Variants in MBLAC2 observed in about 807,000 individuals in gnomAD.
MBLAC2 encodes the protein metallo-beta-lactamase domain containing 2.
A neutral mutation model predicts 23.3 loss-of-function variants in MBLAC2; 24 were observed. The ratio of observed to expected loss-of-function variants is 1.03; its 90% CI spans 0.75 to 1.45. MBLAC2 has a LOEUF of 1.45. Among genes scored for constraint, MBLAC2 ranks in the 40% most tolerant of loss-of-function variants. The pLI is 0.00. For synonymous variants in MBLAC2, 162 were observed against 150.9 expected, an observed-to-expected ratio of 1.07 and a Z score of -0.54; for missense variants, 358 against 370.0, an observed-to-expected ratio of 0.97 and a Z score of 0.27.
intron 1 of MBLAC2, 170 bp downstream of exon 1, chr5:90,473,669 G>C: frequency 1.4e-6 from 1 of 730,368 alleles, no homozygotes; most frequent in South Asian, 1.5e-5. Flanking sequence ...TGATGGCCTT[G>C]ACTCTGGTCA....
At chr5:90,463,335 C>T (rs1011263913) in intron 1 of MBLAC2, among the ~76,000 whole-genome samples, 22 of 152,244 alleles carry the variant, frequency 1.4e-4, no homozygotes, top group Non-Finnish European at 2.9e-4. Flanking sequence ...AAGCGATCCT[C>T]CCTCCCTGGC....
chr5:90,461,840 T>A lies in MBLAC2; in HGVS notation c.455-288A>T, dbSNP rs560092392. 7.2e-5 allele frequency among the ~76,000 whole-genome samples: 11 copies of A among 152,298 alleles called. No homozygotes were observed. The East Asian group carries it at 2.1e-3, about 29-fold the overall frequency. On this transcript the variant is annotated intron_variant, in intron 1 of 1. Coordinates refer to ENST00000316610, the MANE Select transcript of MBLAC2 (RefSeq NM_203406.2). Reference sequence around the variant, plus strand: ...TCTGTGGTCAAATAATTTGAGGAACTCTCACTTTAAAGAAAATTAAGCAGC... The same window carrying A: ...TCTGTGGTCAAATAATTTGAGGAACACTCACTTTAAAGAAAATTAAGCAGC...
At chr5:90,470,784 A>ACACACG (rs1750533840) in intron 1 of MBLAC2, among the ~76,000 whole-genome samples, 1 of 149,954 alleles carries the variant, frequency 6.7e-6, no homozygotes, top group Non-Finnish European at 1.5e-5. Flanking sequence ...ACACACACAC[A>ACACACG]CGCTTTCTTT....
intron 1 of MBLAC2, among the ~76,000 whole-genome samples, chr5:90,466,119 G>C (rs1750441099): frequency 6.6e-6 from 1 of 152,170 alleles, no homozygotes; most frequent in Non-Finnish European, 1.5e-5. Context: ...CTAAGATCAA[G>C]TGTACAATAA....
chr5:90,473,930 G>C lies in MBLAC2; in HGVS notation c.363C>G (p.Ser121=), dbSNP rs1580184921. Residue 121 remains serine (S), a synonymous_variant, in exon 1 of 2, where the codon TCC becomes TCG. Coordinates refer to ENST00000316610, the MANE Select transcript of MBLAC2 (RefSeq NM_203406.2). The part of the protein sequence containing the change: ...GDNFETVTWL[S]DSEVVRTPSP... ...TGGGCGTCCGCACCACCTCGCTATC[G>C]GAAAGCCAGGTCACGGTCTCAAAGT... The C allele has an allele frequency of 6.2e-7, 1 of 1,605,236 alleles. No homozygotes were observed. The highest frequency in any genetic ancestry group is 1.1e-5 in the South Asian group (1 of 89,422).
rs1316927637 is a variant in MBLAC2 at position 90,460,006 on chromosome 5, G to C, written c.*1161C>G. 1 of 152,476 alleles carries C rather than the reference G, an allele frequency of 6.6e-6. No individual in the cohort carries two copies. The highest frequency in any genetic ancestry group is 1.9e-4 in the East Asian group (1 of 5,194). 9.4% of individuals were successfully genotyped at this position (152,476 alleles called of 1,614,324 possible). A position where few individuals can be genotyped will look rare whatever the true frequency, so the allele number is the denominator to read the frequency against. ...AAACCCTTTATGAAATATTCTAAAAGGCCTTTTAGCAAATTATTATTAACA... is the reference window on the plus strand; with the variant it reads ...AAACCCTTTATGAAATATTCTAAAACGCCTTTTAGCAAATTATTATTAACA... On this transcript the variant is annotated 3_prime_UTR_variant, in exon 2 of 2. Coordinates refer to ENST00000316610, the MANE Select transcript of MBLAC2 (RefSeq NM_203406.2).
Position 90,458,738 on chromosome 5 carries a change from T to C in MBLAC2, c.*2429A>G, listed in dbSNP as rs1439513123. The stretch of plus-strand genomic sequence containing the variant: ...TTCAGTTACTAGCTTTGTCCAAAAT[T>C]GTGTTGAGGCTGGTCAATTACCTTT... On this transcript the variant is annotated 3_prime_UTR_variant, in exon 2 of 2. Coordinates refer to ENST00000316610, the MANE Select transcript of MBLAC2 (RefSeq NM_203406.2). 1.3e-5 allele frequency: 2 copies of C among 152,168 alleles called. No homozygotes were observed. The highest frequency in any genetic ancestry group is 4.8e-5 in the African/African-American group (2 of 41,444). 9.4% of individuals were successfully genotyped at this position (152,168 alleles called of 1,614,324 possible).
chr5:90,468,054 TAG>T (rs957725997), intron 1 of MBLAC2, among the ~76,000 whole-genome samples: 1 of 152,226 alleles, frequency 6.6e-6, no homozygotes, highest in East Asian at 1.9e-4. Flanking sequence ...TTCTAGCTTG[TAG>T]AGTTTCTGCT....
At position 90,461,524 on chromosome 5, in the gene MBLAC2, C is replaced by A; in HGVS notation, c.483G>T (p.Gln161His). The change falls in exon 2 of 2, where the codon CAG (glutamine) becomes CAT (histidine). Residue 161 changes from glutamine (Q) to histidine (H), a missense_variant. Coordinates refer to ENST00000316610, the MANE Select transcript of MBLAC2 (RefSeq NM_203406.2). Reference protein sequence around the residue: ...DGDVINLGDRQLTVMHMPGHS... With the variant: ...DGDVINLGDRHLTVMHMPGHS... ...GACCTGGCATGTGCATAACAGTGAG[C>A]TGTCTGTCACCAAGGTTGATCACAT... is the stretch of plus-strand genomic sequence containing the variant. 6.2e-7 allele frequency: 1 copy of A among 1,612,452 alleles called. No homozygotes were observed. Among genetic ancestry groups the A allele is most frequent in the Non-Finnish European group, 8.5e-7 (1 of 1,179,172 alleles).
intron 1 of MBLAC2, among the ~76,000 whole-genome samples, chr5:90,466,329 C>T (rs141540224): frequency 2.5e-3 from 377 of 152,256 alleles, no homozygotes; most frequent in Middle Eastern, 6.8e-3. Context: ...AAATAAGAAT[C>T]GAGAACCTCT....
At chr5:90,462,151 C>T (rs959227391) in intron 1 of MBLAC2, among the ~76,000 whole-genome samples, 2 of 152,082 alleles carry the variant, frequency 1.3e-5, no homozygotes, top group African/African-American at 4.8e-5. Context: ...TAATCTCTGA[C>T]CCAGGAACCT....
chr5:90,460,933 T>A lies in MBLAC2; in HGVS notation c.*234A>T. On this transcript the variant is annotated 3_prime_UTR_variant, in exon 2 of 2. Coordinates refer to ENST00000316610, the MANE Select transcript of MBLAC2 (RefSeq NM_203406.2). ...ACCTTTATGTCATTTCTAGAGCATA[T>A]ATTACAAGATGACAGCTTTGGCAAA... 2.5e-6 allele frequency: 1 copy of A among 400,868 alleles called. No homozygotes were observed. The highest frequency in any genetic ancestry group is 5.0e-5 in the South Asian group (1 of 19,838). 24.8% of individuals were successfully genotyped at this position (400,868 alleles called of 1,614,324 possible). A position where few individuals can be genotyped will look rare whatever the true frequency, so the allele number is the denominator to read the frequency against.
intron 1 of MBLAC2, among the ~76,000 whole-genome samples, chr5:90,470,881 G>A (rs1476366890): frequency 1.3e-5 from 2 of 151,972 alleles, no homozygotes; most frequent in Non-Finnish European, 2.9e-5. Context: ...TATCCCCAGA[G>A]AATAAACTAA....
chr5:90,461,667 C>T, intron 1 of MBLAC2, 115 bp from the exon 2 acceptor site: 2 of 942,614 alleles, frequency 2.1e-6, no homozygotes, highest in Non-Finnish European at 1.6e-6. Context: ...CACTTTATTT[C>T]ATAAATACTG....
chr5:90,470,747 A>AGC (rs149818787), intron 1 of MBLAC2, among the ~76,000 whole-genome samples: 103 of 143,922 alleles, frequency 7.2e-4, no homozygotes, highest in Non-Finnish European at 5.6e-4. Context: ...CTAGAAAACT[A>AGC]GCGCGCGCGC....
intron 1 of MBLAC2, among the ~76,000 whole-genome samples, chr5:90,462,812 A>G (rs1750387213): frequency 1.3e-5 from 2 of 152,302 alleles, no homozygotes; most frequent in African/African-American, 2.4e-5. Context: ...AATTCATAAA[A>G]TAAGTAAATA....
At chr5:90,469,941 T>C (rs2151892453) in intron 1 of MBLAC2, among the ~76,000 whole-genome samples, 1 of 152,352 alleles carries the variant, frequency 6.6e-6, no homozygotes, top group South Asian at 2.1e-4. Flanking sequence ...CCCATGTTTA[T>C]TGCAGCAATA....
intron 1 of MBLAC2, among the ~76,000 whole-genome samples, chr5:90,468,408 C>T (rs7732363): frequency 0.38 from 58,003 of 151,522 alleles, 11,623 homozygotes; most frequent in East Asian, 0.51. Flanking sequence ...CCTTTTTCTT[C>T]GTCTTTGACG....
At chr5:90,466,656 A>G (rs1428896537) in intron 1 of MBLAC2, among the ~76,000 whole-genome samples, 1 of 152,250 alleles carries the variant, frequency 6.6e-6, no homozygotes, top group African/African-American at 2.4e-5. Flanking sequence ...CTCAATAATA[A>G]AAAAGCTGAA....
Sources: gnomAD v4.1 joint callset for allele counts (sites outside exome capture counted in the v4.1 genomes callset) on GRCh38, gnomAD v4.1.1 for gene constraint, MANE v1.5 for transcripts, NCBI Gene and HGNC (gene_info 2026-07-23, HGNC 2026-07-21) for gene names.